The following TSPAN7 variants were observed in gnomAD, a reference collection of about 807,000 sequenced individuals.
TSPAN7 encodes the protein tetraspanin 7, also known as tetraspanin-7.
In TSPAN7, 1 loss-of-function variant was observed where a neutral mutation model predicts 17.6. That is an observed-to-expected ratio of 0.06 (90% CI 0.02 to 0.27). TSPAN7 has a LOEUF of 0.27. TSPAN7 is among the 10% of genes least tolerant of loss of function. The pLI is 1.00. For missense variants in TSPAN7, 112 were observed against 201.7 expected, an observed-to-expected ratio of 0.56 and a Z score of 2.69; for synonymous variants, 78 against 79.0, an observed-to-expected ratio of 0.99 and a Z score of 0.07.
chrX:38,672,899 AGCACAGTTTGCCTGCTAG>A (rs2069829681), intron 3 of TSPAN7, among the ~76,000 whole-genome samples: 1 of 112,172 alleles, frequency 8.9e-6, no homozygotes, highest in Non-Finnish European at 1.9e-5. Context: ...TAACAAAGGA[AGCACAGTTTGCCTGCTAG>A]GCAGTAGTGG....
At chrX:38,635,393 A>T (rs2147431858) in intron 1 of TSPAN7, among the ~76,000 whole-genome samples, 1 of 111,348 alleles carries the variant, frequency 9.0e-6, no homozygotes. Flanking sequence ...ATACTATGAA[A>T]TACCTCTTCT....
At chrX:38,646,283 T>G in intron 1 of TSPAN7, 1 of 1,155,066 alleles carries the variant, frequency 8.7e-7, no homozygotes, top group Non-Finnish European at 1.1e-6. Context: ...TGCAGGATTT[T>G]GTGGCAGACA....
Position 38,567,796 on chromosome X carries a change from T to C in TSPAN7, c.81+6169T>C, listed in dbSNP as rs144094384. Among the ~76,000 whole-genome samples the C allele has an allele frequency of 9.0e-3, 1,009 of 112,073 alleles. 9 individuals carry two copies. The highest frequency in any genetic ancestry group is 0.032 in the African/African-American group (974 of 30,829). On this transcript the variant is annotated intron_variant, in intron 1 of 7. Coordinates refer to ENST00000378482, the MANE Select transcript of TSPAN7 (RefSeq NM_004615.4). ...TATGGAAGATGAAGATTTAGCTCTC[T>C]TGCCCTTTTCTCCCATACTTGTATC...
At chrX:38,629,970 A>C (rs2069541003) in intron 1 of TSPAN7, among the ~76,000 whole-genome samples, 1 of 112,112 alleles carries the variant, frequency 8.9e-6, no homozygotes, top group African/African-American at 3.2e-5. Flanking sequence ...AGTTGCAGCC[A>C]GAATGAGTTT....
At chrX:38,571,207 G>A (rs1354272148) in intron 1 of TSPAN7, among the ~76,000 whole-genome samples, 1 of 111,145 alleles carries the variant, frequency 9.0e-6, no homozygotes, top group East Asian at 2.8e-4. Context: ...ACTAGAGGAT[G>A]ATGAGATGAG....
At chrX:38,653,580 CA>C (rs2069687339) in intron 1 of TSPAN7, among the ~76,000 whole-genome samples, 1 of 112,235 alleles carries the variant, frequency 8.9e-6, no homozygotes, top group Non-Finnish European at 1.9e-5. Flanking sequence ...TTCTTCAGAT[CA>C]GTCCTCCCAT....
At chrX:38,643,672 C>CAA (rs34238064) in intron 1 of TSPAN7, among the ~76,000 whole-genome samples, 4,761 of 55,922 alleles carry the variant, frequency 0.085, 190 homozygotes, top group East Asian at 0.19. Context: ...CCGTCTCTAC[C>CAA]AAAAAAAAAA....
At chrX:38,634,825 A>G (rs1312493776) in intron 1 of TSPAN7, among the ~76,000 whole-genome samples, 2 of 111,106 alleles carry the variant, frequency 1.8e-5, no homozygotes, top group Admixed American at 1.9e-4. Flanking sequence ...GAGACTCAAG[A>G]GGTGCAAGGA....
intron 3 of TSPAN7, among the ~76,000 whole-genome samples, chrX:38,673,519 C>T (rs6520523): frequency 1.5e-3 from 161 of 109,283 alleles, no homozygotes; most frequent in African/African-American, 5.0e-3. Context: ...TGGCGCCTGC[C>T]ACCATGCCTG....
intron 1 of TSPAN7, chrX:38,612,530 T>C (rs2069425720): frequency 8.9e-6 from 1 of 111,985 alleles, no homozygotes; most frequent in African/African-American, 3.2e-5. Flanking sequence ...TGTCTTCTTT[T>C]AGTACACAGC....
chrX:38,667,302 T>C (rs1276358198), intron 2 of TSPAN7, among the ~76,000 whole-genome samples: 1 of 112,733 alleles, frequency 8.9e-6, no homozygotes, highest in Non-Finnish European at 1.9e-5. Flanking sequence ...ACTAATTCTC[T>C]ATTCACTGTT....
intron 1 of TSPAN7, among the ~76,000 whole-genome samples, chrX:38,574,744 A>G (rs1169252427): frequency 1.8e-5 from 2 of 111,270 alleles, no homozygotes; most frequent in East Asian, 5.6e-4. Context: ...AAGAAAAAAT[A>G]CCTGAGAAAT....
intron 2 of TSPAN7, among the ~76,000 whole-genome samples, chrX:38,670,994 A>G (rs892217187): frequency 8.9e-6 from 1 of 112,082 alleles, no homozygotes; most frequent in Admixed American, 9.4e-5. Context: ...CAGACAGGGC[A>G]GAATGTGTCC....
At chrX:38,576,197 C>T (rs1415983620) in intron 1 of TSPAN7, among the ~76,000 whole-genome samples, 1 of 111,582 alleles carries the variant, frequency 9.0e-6, no homozygotes, top group African/African-American at 3.3e-5. Flanking sequence ...GATTCCTGTT[C>T]TAGGGGATAC....
chrX:38,595,198 A>T (rs924344098), intron 1 of TSPAN7, among the ~76,000 whole-genome samples: 4 of 111,266 alleles, frequency 3.6e-5, no homozygotes, highest in African/African-American at 1.3e-4. Context: ...AGAATTTCTG[A>T]TGTGTATCAG....
chrX:38,581,760 C>T (rs2069228510), intron 1 of TSPAN7, among the ~76,000 whole-genome samples: 1 of 112,309 alleles, frequency 8.9e-6, no homozygotes, highest in Non-Finnish European at 1.9e-5. Context: ...GGCTCAGACA[C>T]CTGGGTATTA....
chrX:38,683,401 T>C (rs1205214481), intron 6 of TSPAN7, among the ~76,000 whole-genome samples: 1 of 113,158 alleles, frequency 8.8e-6, no homozygotes, highest in African/African-American at 3.2e-5. Flanking sequence ...GAATATGCAC[T>C]GTGACCCTCT....
intron 1 of TSPAN7, among the ~76,000 whole-genome samples, chrX:38,654,282 T>C (rs190934594): frequency 1.1e-3 from 120 of 112,211 alleles, no homozygotes; most frequent in African/African-American, 3.7e-3. Context: ...AGTTGTACAT[T>C]TTTTAAGAGA....
At chrX:38,659,430 G>A (rs1167988750) in intron 1 of TSPAN7, among the ~76,000 whole-genome samples, 1 of 111,594 alleles carries the variant, frequency 9.0e-6, no homozygotes. Flanking sequence ...ATATATTTCA[G>A]CGTGACTGAG....
Sources: allele counts gnomAD v4.1 joint callset (sites outside exome capture counted in the v4.1 genomes callset), GRCh38; gene constraint gnomAD v4.1.1; transcripts MANE v1.5; gene names NCBI Gene and HGNC (gene_info 2026-07-23, HGNC 2026-07-21).